The following LMBRD2 variants were observed in gnomAD, a reference collection of about 807,000 sequenced individuals.
LMBRD2 encodes LMBR1 domain containing 2, also known as G protein-coupled receptor-associated protein LMBRD2.
In LMBRD2, 55 loss-of-function variants were observed where a neutral mutation model predicts 94.4. The ratio of observed to expected loss-of-function variants is 0.58; its 90% CI spans 0.47 to 0.73. LMBRD2 has a LOEUF of 0.73. Among genes scored for constraint, LMBRD2 ranks in the 30% least tolerant of loss-of-function variants. The pLI is 0.00. For missense variants in LMBRD2, 640 were observed against 831.9 expected, an observed-to-expected ratio of 0.77 and a Z score of 2.84; for synonymous variants, 246 against 272.4, an observed-to-expected ratio of 0.90 and a Z score of 0.95.
intron 15 of LMBRD2, 131 bp downstream of exon 15, chr5:36,109,814 T>C: frequency 1.5e-6 from 1 of 680,950 alleles, no homozygotes. Flanking sequence ...TCCCTTTCTT[T>C]AAAAATATAT....
intron 9 of LMBRD2, among the ~76,000 whole-genome samples, chr5:36,119,411 C>CG (rs1246778180): frequency 0.099 from 21 of 212 alleles, no homozygotes; most frequent in African/African-American, 0.24. Flanking sequence ...TATTCTATCA[C>CG]ATTTTACCGT....
chr5:36,150,782 TG>T (rs1744679665), intron 1 of LMBRD2, among the ~76,000 whole-genome samples: 1 of 152,206 alleles, frequency 6.6e-6, no homozygotes, highest in South Asian at 2.1e-4. Flanking sequence ...TAAAGGTTCA[TG>T]AATTCCTTCC....
intron 6 of LMBRD2, among the ~76,000 whole-genome samples, chr5:36,127,517 T>C (rs989908944): frequency 6.6e-6 from 1 of 152,220 alleles, no homozygotes; most frequent in Non-Finnish European, 1.5e-5. Context: ...GAACCTTCTC[T>C]GGGTCACATG....
Position 36,141,120 on chromosome 5 carries a change from G to A in LMBRD2, c.355C>T (p.Gln119Ter). 2 of 1,588,506 alleles carry A rather than the reference G, an allele frequency of 1.3e-6. No homozygotes were observed. Among genetic ancestry groups the A allele is most frequent in the Non-Finnish European group, 1.7e-6 (2 of 1,161,964 alleles). ...IFWRVVYWTS[Q>*]FLTWILLPFM... Reference sequence around the variant, plus strand: ...ACTGTAACTTACCATGTTAAAAATTGTGACGTCCAATACACTACCCTCCAG... The same window carrying A: ...ACTGTAACTTACCATGTTAAAAATTATGACGTCCAATACACTACCCTCCAG... The change falls in exon 4 of 18, where the codon CAA becomes TAA. Residue 119 changes from glutamine (Q) to a stop codon, truncating the protein, a stop_gained. Coordinates refer to ENST00000296603, the MANE Select transcript of LMBRD2 (RefSeq NM_001007527.2). LOFTEE classifies it high-confidence loss of function.
intron 4 of LMBRD2, among the ~76,000 whole-genome samples, chr5:36,139,515 C>T (rs1744352261): frequency 6.6e-6 from 1 of 152,214 alleles, no homozygotes; most frequent in Non-Finnish European, 1.5e-5. Context: ...GCCAGGCCAT[C>T]AGCTCTGTGG....
At chr5:36,106,078 T>G (rs1209700353) in intron 16 of LMBRD2, among the ~76,000 whole-genome samples, 1 of 151,732 alleles carries the variant, frequency 6.6e-6, no homozygotes, top group Non-Finnish European at 1.5e-5. Flanking sequence ...GCCCAATACA[T>G]GCTAGATTCT....
Position 36,117,845 on chromosome 5 carries a change from CA to C in LMBRD2, c.1191del (p.Val398Ter). On this transcript the variant is annotated frameshift_variant, in exon 10 of 18. Transcript: ENST00000296603. LOFTEE classifies it high-confidence loss of function. ...KILAVVLSIF[S>X]VIVVWSECTF... ...GTGCACTCTGACCACACAACAATCA[CA>C]GAGAAGATGGACAGAACCACAGCAA... 1 of 1,613,920 alleles carries C rather than the reference CA, an allele frequency of 6.2e-7. No homozygotes were observed. Among genetic ancestry groups the C allele is most frequent in the Non-Finnish European group, 8.5e-7 (1 of 1,179,868 alleles).
chr5:36,128,507 G>A (rs1744060190), intron 6 of LMBRD2, among the ~76,000 whole-genome samples: 1 of 152,126 alleles, frequency 6.6e-6, no homozygotes, highest in South Asian at 2.1e-4. Flanking sequence ...GGTCACTTAA[G>A]CTCAGGAGTT....
chr5:36,147,478 A>T (rs552964930), intron 1 of LMBRD2, among the ~76,000 whole-genome samples: 1 of 152,350 alleles, frequency 6.6e-6, no homozygotes, highest in East Asian at 1.9e-4. Flanking sequence ...CAAAATGGCA[A>T]TTCATTAAAA....
intron 11 of LMBRD2, among the ~76,000 whole-genome samples, chr5:36,115,462 T>G (rs1282569056): frequency 1.3e-5 from 2 of 152,146 alleles, no homozygotes; most frequent in Non-Finnish European, 2.9e-5. Context: ...GACAGTAACA[T>G]CCTCAAGGTG....
intron 6 of LMBRD2, among the ~76,000 whole-genome samples, chr5:36,126,009 G>A (rs1229770415): frequency 6.6e-6 from 1 of 152,208 alleles, no homozygotes. Context: ...GGGAAAGGGA[G>A]ATTAAGGGTC....
chr5:36,149,679 G>A (rs1744641963), intron 1 of LMBRD2, among the ~76,000 whole-genome samples: 1 of 152,210 alleles, frequency 6.6e-6, no homozygotes, highest in Admixed American at 6.5e-5. Context: ...GGCTGAGGTG[G>A]GTGGATCATC....
At chr5:36,128,155 A>C (rs1435526674) in intron 6 of LMBRD2, among the ~76,000 whole-genome samples, 1 of 152,194 alleles carries the variant, frequency 6.6e-6, no homozygotes, top group East Asian at 1.9e-4. Context: ...CAAGACCACC[A>C]AGGTGGCACA....
intron 6 of LMBRD2, among the ~76,000 whole-genome samples, chr5:36,135,435 A>T (rs76192174): frequency 0.025 from 3,864 of 152,276 alleles, 156 homozygotes; most frequent in African/African-American, 0.088. Context: ...AGTCTATAGA[A>T]TTGTTTATTA....
intron 4 of LMBRD2, among the ~76,000 whole-genome samples, chr5:36,140,159 C>A (rs191075255): frequency 5.9e-5 from 9 of 152,218 alleles, no homozygotes; most frequent in Admixed American, 2.0e-4. Context: ...CAGGTGCCCA[C>A]AGCAGAAGCT....
chr5:36,127,809 C>T (rs1384189280), intron 6 of LMBRD2, among the ~76,000 whole-genome samples: 2 of 152,028 alleles, frequency 1.3e-5, no homozygotes, highest in African/African-American at 4.8e-5. Context: ...TCTGGACACA[C>T]CCCAACTCAG....
intron 14 of LMBRD2, 101 bp downstream of exon 14, chr5:36,111,054 T>G (rs1743592310): frequency 1.4e-6 from 1 of 724,754 alleles, no homozygotes; most frequent in African/African-American, 1.8e-5. Flanking sequence ...TTTCTTAGAA[T>G]AGATTAAAAA....
At chr5:36,105,270 C>A in intron 16 of LMBRD2, 73 bp from the exon 17 acceptor site, 1 of 1,370,794 alleles carries the variant, frequency 7.3e-7, no homozygotes, top group South Asian at 1.4e-5. Context: ...TATGGAGGTA[C>A]AGAAAGAAAA....
intron 1 of LMBRD2, among the ~76,000 whole-genome samples, chr5:36,144,229 A>G (rs1278590876): frequency 6.6e-6 from 1 of 152,186 alleles, no homozygotes; most frequent in African/African-American, 2.4e-5. Flanking sequence ...AAATTGAAAA[A>G]TTTGATATCT....
Sources: gnomAD v4.1 joint callset for allele counts (sites outside exome capture counted in the v4.1 genomes callset) on GRCh38, gnomAD v4.1.1 for gene constraint, MANE v1.5 for transcripts, NCBI Gene and HGNC (gene_info 2026-07-23, HGNC 2026-07-21) for gene names.